The following SPAG16 variants were observed in gnomAD, a reference collection of about 807,000 sequenced individuals.
SPAG16 encodes the protein sperm-associated antigen 16 protein.
A neutral mutation model predicts 80.4 loss-of-function variants in SPAG16; 86 were observed. The ratio of observed to expected loss-of-function variants is 1.07; its 90% CI spans 0.90 to 1.28. SPAG16 has a LOEUF of 1.28. Among genes scored for constraint, SPAG16 ranks in the 50% most tolerant of loss-of-function variants. SPAG16 has a pLI of 0.00. For synonymous variants in SPAG16, 294 were observed against 265.9 expected, an observed-to-expected ratio of 1.11 and a Z score of -1.03; for missense variants, 870 against 765.3, an observed-to-expected ratio of 1.14 and a Z score of -1.61.
chr2:213,637,038 C>T (rs2062388973), intron 10 of SPAG16, among the ~76,000 whole-genome samples: 1 of 152,136 alleles, frequency 6.6e-6, no homozygotes, highest in Non-Finnish European at 1.5e-5. Flanking sequence ...TTCCAGTTCT[C>T]AGGGGGAATG....
intron 13 of SPAG16, among the ~76,000 whole-genome samples, chr2:214,091,815 T>A (rs1224898566): frequency 6.6e-5 from 10 of 152,094 alleles, no homozygotes; most frequent in Admixed American, 6.6e-4. Context: ...TTCTTCCCTT[T>A]ATCCACTCTA....
intron 9 of SPAG16, among the ~76,000 whole-genome samples, chr2:213,407,933 A>G (rs2068744120): frequency 1.6e-5 from 2 of 127,262 alleles, no homozygotes; most frequent in African/African-American, 3.1e-5. Flanking sequence ...GAGAGAGAGG[A>G]GAGAGGCAGA....
rs186156579 is a variant in SPAG16, at chr2:213,286,206, C to A, written c.136+1587C>A. ...TTTGAACTTTAACACATATAAGCAA[C>A]TGTAACTTTTTAGGATTTTACTAAC... On this transcript the variant is annotated intron_variant, in intron 1 of 15. Transcript: ENST00000331683. Among the ~76,000 whole-genome samples the A allele has an allele frequency of 1.9e-4, 29 of 152,292 alleles. No homozygotes were observed. In the East Asian group the frequency reaches 5.6e-3, roughly 29 times the overall value.
intron 12 of SPAG16, among the ~76,000 whole-genome samples, chr2:213,956,604 C>G (rs546728156): frequency 6.6e-6 from 1 of 150,852 alleles, no homozygotes; most frequent in African/African-American, 2.4e-5. Context: ...CATGCCACGA[C>G]GCCTGGCTAA....
At chr2:213,308,748 T>A (rs1241633696) in intron 3 of SPAG16, among the ~76,000 whole-genome samples, 1 of 152,158 alleles carries the variant, frequency 6.6e-6, no homozygotes, top group Non-Finnish European at 1.5e-5. Context: ...GTCTTATATC[T>A]GGTGGTATTC....
intron 15 of SPAG16, among the ~76,000 whole-genome samples, chr2:214,298,181 T>C (rs1276250839): frequency 5.3e-5 from 8 of 150,984 alleles, no homozygotes; most frequent in Non-Finnish European, 1.0e-4. Context: ...CACACATATA[T>C]ATATATTTGC....
intron 10 of SPAG16, among the ~76,000 whole-genome samples, chr2:213,598,940 T>C (rs2060969523): frequency 6.6e-6 from 1 of 152,182 alleles, no homozygotes; most frequent in African/African-American, 2.4e-5. Flanking sequence ...AATATTTGAC[T>C]CAGAAAGTTG....
chr2:214,256,632 A>G (rs1432369483), intron 15 of SPAG16, among the ~76,000 whole-genome samples: 2 of 151,874 alleles, frequency 1.3e-5, no homozygotes, highest in Non-Finnish European at 2.9e-5. Flanking sequence ...TGTGTTTAAA[A>G]CAAACAAACA....
At chr2:213,533,690 G>A (rs1575866809) in intron 10 of SPAG16, among the ~76,000 whole-genome samples, 1 of 152,036 alleles carries the variant, frequency 6.6e-6, no homozygotes, top group Admixed American at 6.6e-5. Context: ...GAATATAAAT[G>A]TAATCTGTGT....
At chr2:214,282,680 A>T (rs1055821650) in intron 15 of SPAG16, among the ~76,000 whole-genome samples, 2 of 152,162 alleles carry the variant, frequency 1.3e-5, no homozygotes, top group African/African-American at 4.8e-5. Flanking sequence ...TTTGGAGCAG[A>T]AAAGACCACA....
At chr2:214,261,666 A>G (rs1691186538) in intron 15 of SPAG16, among the ~76,000 whole-genome samples, 1 of 152,176 alleles carries the variant, frequency 6.6e-6, no homozygotes, top group African/African-American at 2.4e-5. Flanking sequence ...ATGTATTTTA[A>G]CAGAGTAATT....
intron 7 of SPAG16, among the ~76,000 whole-genome samples, chr2:213,363,628 G>A (rs974818298): frequency 2.6e-5 from 4 of 151,936 alleles, no homozygotes; most frequent in African/African-American, 7.2e-5. Flanking sequence ...AATATATGTG[G>A]GTGGAAAATG....
chr2:213,468,501 A>G (rs1426431219), intron 9 of SPAG16, among the ~76,000 whole-genome samples: 1 of 70,398 alleles, frequency 1.4e-5, no homozygotes, highest in African/African-American at 4.2e-5. Context: ...GTATTTATAT[A>G]TAGATATATA....
intron 9 of SPAG16, among the ~76,000 whole-genome samples, chr2:213,429,620 A>G (rs1462934837): frequency 1.3e-5 from 2 of 152,194 alleles, no homozygotes; most frequent in Admixed American, 6.5e-5. Flanking sequence ...ATTTGCTACC[A>G]CCATCTTCCA....
chr2:214,349,421 G>A (rs1003870396), intron 15 of SPAG16, among the ~76,000 whole-genome samples: 1 of 152,104 alleles, frequency 6.6e-6, no homozygotes, highest in Admixed American at 6.6e-5. Context: ...TGTTGTTGAA[G>A]TTTATTTCTT....
At chr2:214,034,397 G>A (rs2048577046) in intron 13 of SPAG16, among the ~76,000 whole-genome samples, 1 of 152,200 alleles carries the variant, frequency 6.6e-6, no homozygotes, top group African/African-American at 2.4e-5. Context: ...GATCTTTGGG[G>A]CATTGCTTTG....
intron 10 of SPAG16, among the ~76,000 whole-genome samples, chr2:213,657,108 C>G (rs1164227718): frequency 6.6e-6 from 1 of 152,020 alleles, no homozygotes; most frequent in Non-Finnish European, 1.5e-5. Flanking sequence ...CTTTGCTGGT[C>G]TTTTCATTTT....
At chr2:213,457,942 T>A (rs951044009) in intron 9 of SPAG16, among the ~76,000 whole-genome samples, 2 of 152,054 alleles carry the variant, frequency 1.3e-5, no homozygotes, top group African/African-American at 4.8e-5. Flanking sequence ...ATTTTTCCTC[T>A]AGTTTTAATA....
intron 10 of SPAG16, among the ~76,000 whole-genome samples, chr2:213,793,936 T>C (rs2070862425): frequency 6.6e-6 from 1 of 152,174 alleles, no homozygotes; most frequent in Admixed American, 6.5e-5. Flanking sequence ...ATGTCTTAGG[T>C]TGATTTCCTT....
Sources: gnomAD v4.1 joint callset for allele counts (sites outside exome capture counted in the v4.1 genomes callset) on GRCh38, gnomAD v4.1.1 for gene constraint, MANE v1.5 for transcripts, NCBI Gene and HGNC (gene_info 2026-07-23, HGNC 2026-07-21) for gene names.